Variants in ZFYVE21 observed in about 807,000 individuals in gnomAD.
ZFYVE21 encodes zinc finger FYVE-type containing 21.
A neutral mutation model predicts 29.5 loss-of-function variants in ZFYVE21; 21 were observed. The observed-to-expected ratio is 0.71, with a 90% CI of 0.50 to 1.02. The LOEUF (loss-of-function observed/expected upper bound fraction) is 1.02. Among genes scored for constraint, ZFYVE21 ranks in the 50% least tolerant of loss-of-function variants. The pLI is 0.00. For synonymous variants in ZFYVE21, 151 were observed against 133.8 expected, an observed-to-expected ratio of 1.13 and a Z score of -0.89; for missense variants, 326 against 335.4, an observed-to-expected ratio of 0.97 and a Z score of 0.22.
chr14:103,731,808 A>C (rs1461448861), intron 5 of ZFYVE21: 1 of 152,212 alleles, frequency 6.6e-6, no homozygotes, highest in East Asian at 1.9e-4. Context: ...ATTGCCTACG[A>C]TGGGGCTTCC....
In ZFYVE21 at chr14:103,715,822, C is replaced by G. The variant is rs1470131994; in HGVS notation, c.-20C>G. 6.6e-6 allele frequency: 9 copies of G among 1,358,916 alleles called. No individual in the cohort carries two copies. Among genetic ancestry groups the G allele is most frequent in the African/African-American group, 4.6e-5 (3 of 65,720 alleles). 84.2% of individuals were successfully genotyped at this position (1,358,916 alleles called of 1,614,324 possible). A position where few individuals can be genotyped will look rare whatever the true frequency, so the allele number is the denominator to read the frequency against. On this transcript the variant is annotated 5_prime_UTR_variant, in exon 1 of 7. Transcript: ENST00000311141. The stretch of plus-strand genomic sequence containing the variant: ...AGGGGCCGGGTGCGGGGCCGCTGGC[C>G]GAGAGGCTGAGGCGGCGTCATGTCC...
Position 103,727,908 on chromosome 14 carries a change from C to A in ZFYVE21, c.352C>A (p.Leu118Met). 1 of 1,611,646 alleles carries A rather than the reference C, an allele frequency of 6.2e-7. No homozygotes were observed. The highest frequency in any genetic ancestry group is 8.5e-7 in the Non-Finnish European group (1 of 1,178,832). Residue 118 changes from leucine (L) to methionine (M), a missense_variant, in exon 3 of 7, where the codon CTG becomes ATG. Coordinates refer to ENST00000311141, the MANE Select transcript of ZFYVE21 (RefSeq NM_024071.4). ...CTACGACAAGCAGCTCAAAGTGCTCCTGAGCGGTAAGGACGGGTGTCCTGC... is the reference window on the plus strand; with the variant it reads ...CTACGACAAGCAGCTCAAAGTGCTCATGAGCGGTAAGGACGGGTGTCCTGC... ...EFYDKQLKVL[L>M]SGATFLVTFG... is the part of the protein sequence containing the mutation.
chr14:103,721,270 C>G (rs2083869564), intron 1 of ZFYVE21, among the ~76,000 whole-genome samples: 1 of 152,202 alleles, frequency 6.6e-6, no homozygotes, highest in Non-Finnish European at 1.5e-5. Flanking sequence ...AAGGAGGGGA[C>G]AAGCGCCCAG....
In ZFYVE21 at chr14:103,727,898, C is replaced by G. The variant is rs371683117; in HGVS notation, c.342C>G (p.Leu114=). The change falls in exon 3 of 7, where the codon CTC becomes CTG. Residue 114 remains leucine, a synonymous_variant. Coordinates refer to ENST00000311141, the MANE Select transcript of ZFYVE21 (RefSeq NM_024071.4). ...LKEAEFYDKQ[L]KVLLSGATFL... is the part of the protein sequence containing the mutation. ...AGGCGGAGTTCTACGACAAGCAGCTCAAAGTGCTCCTGAGCGGTAAGGACG... is the reference window on the plus strand; with the variant it reads ...AGGCGGAGTTCTACGACAAGCAGCTGAAAGTGCTCCTGAGCGGTAAGGACG... The G allele has an allele frequency of 1.9e-6, 3 of 1,612,340 alleles. No homozygotes were observed. In the African/African-American group the frequency reaches 4.0e-5, roughly 22 times the overall value.
rs1425630902 is a variant in ZFYVE21, at chr14:103,729,079, T to C, written c.435-12T>C. 1.2e-6 allele frequency: 2 copies of C among 1,614,006 alleles called. No individual in the cohort carries two copies. The highest frequency in any genetic ancestry group is 8.5e-7 in the Non-Finnish European group (1 of 1,179,982). On this transcript the variant is annotated splice_polypyrimidine_tract_variant and intron_variant, in intron 4 of 6. Transcript: ENST00000311141. ...GAGAATGACCCGATTTGGACACTTT[T>C]ATTTGATGTAGATACTTGTTTCTGG...
chr14:103,732,885 G>C, intron 6 of ZFYVE21, 98 bp from the exon 7 acceptor site: 1 of 1,604,084 alleles, frequency 6.2e-7, no homozygotes, highest in Non-Finnish European at 8.5e-7. Context: ...CCCTCAGCTG[G>C]GGTGCCCACG....
chr14:103,715,915 C>G lies in ZFYVE21; in HGVS notation c.74C>G (p.Pro25Arg). The change falls in exon 1 of 7, where the codon CCC becomes CGC. Residue 25 changes from proline (P) to arginine (R), a missense_variant. Pro to Arg is a moderately radical substitution (Grantham distance 103). Coordinates refer to ENST00000311141, the MANE Select transcript of ZFYVE21 (RefSeq NM_024071.4). ...VRSPSGLRMVPEHRAFGSPFG... is the reference protein window; with the variant it reads ...VRSPSGLRMVREHRAFGSPFG... ...TCCCCGAGCGGCCTGCGCATGGTGC[C>G]CGAACACCGCGCCTTCGGAAGCCCG... The G allele has an allele frequency of 7.0e-7, 1 of 1,435,726 alleles. No homozygotes were observed. The highest frequency in any genetic ancestry group is 9.2e-7 in the Non-Finnish European group (1 of 1,086,592). The allele number at this position is 1,435,726 out of a possible 1,614,324, so 88.9% of individuals were successfully genotyped here. A position where few individuals can be genotyped will look rare whatever the true frequency, so the allele number is the denominator to read the frequency against.
chr14:103,722,779 A>G (rs1470916532), intron 1 of ZFYVE21, among the ~76,000 whole-genome samples: 1 of 151,708 alleles, frequency 6.6e-6, no homozygotes, highest in East Asian at 2.0e-4. Context: ...AGATTGTGCC[A>G]CTGCACTCCA....
rs1429265597 is a variant in ZFYVE21, at chr14:103,733,442, T to TAATA, written c.*425_*428dup. The TAATA allele has an allele frequency of 5.8e-6, 1 of 173,598 alleles. No individual in the cohort carries two copies. Among genetic ancestry groups the TAATA allele is most frequent in the East Asian group, 1.7e-4 (1 of 5,946 alleles). The allele number at this position is 173,598 out of a possible 1,614,324, so 10.8% of individuals were successfully genotyped here. On this transcript the variant is annotated 3_prime_UTR_variant, in exon 7 of 7. Transcript: ENST00000311141. Reference sequence around the variant, plus strand: ...GTCTGCAGTGGAGCCTGTTCGCCTCTAATAGCCAGTTTACAGCACTTGCCT... The same window carrying TAATA: ...GTCTGCAGTGGAGCCTGTTCGCCTCTAATAAATAGCCAGTTTACAGCACTTGCCT...
In ZFYVE21 at chr14:103,726,796, G is replaced by A. The variant is rs762200237; in HGVS notation, c.143G>A (p.Arg48Gln). 5.0e-6 allele frequency: 8 copies of A among 1,614,066 alleles called. No individual in the cohort carries two copies. The highest frequency in any genetic ancestry group is 4.5e-5 in the East Asian group (2 of 44,882). The change falls in exon 2 of 7, where the codon CGG (arginine) becomes CAG (glutamine). Residue 48 changes from arginine (R) to glutamine (Q), a missense_variant. By Grantham distance (43) the Arg-to-Gln change is conservative. Transcript: ENST00000311141. ...GCTTTGTCGTGTCTTTCCTAGTGTC[G>A]GAGATGTATGCAGTGTGACGCCAAG... ...EPQWVPDKECRRCMQCDAKFD... is the reference protein window; with the variant it reads ...EPQWVPDKECQRCMQCDAKFD...
intron 1 of ZFYVE21, among the ~76,000 whole-genome samples, chr14:103,723,996 G>A (rs2083897825): frequency 6.6e-6 from 1 of 152,200 alleles, no homozygotes; most frequent in Non-Finnish European, 1.5e-5. Context: ...CCACACCAGC[G>A]TCTTCTGGGG....
At chr14:103,727,393 C>G (rs1374878678) in intron 2 of ZFYVE21, 1 of 403,794 alleles carries the variant, frequency 2.5e-6, no homozygotes, top group South Asian at 1.9e-5. Flanking sequence ...CCGCCCCGTC[C>G]CCGTGCCGCT....
rs763488690 is a variant in ZFYVE21 at position 103,729,055 on chromosome 14, A to G, written c.435-36A>G. 2.5e-6 allele frequency: 4 copies of G among 1,613,908 alleles called. No individual in the cohort carries two copies. In the Admixed American group the frequency reaches 5.0e-5, roughly 20 times the overall value. Reference sequence around the variant, plus strand: ...GGGAGCCTCGGTGGCACTGAGCCTGAGAATGACCCGATTTGGACACTTTTA... The same window carrying G: ...GGGAGCCTCGGTGGCACTGAGCCTGGGAATGACCCGATTTGGACACTTTTA... On this transcript the variant is annotated intron_variant, in intron 4 of 6. Transcript: ENST00000311141.
chr14:103,732,596 T>A (rs1316132191), intron 5 of ZFYVE21, 24 bp from the exon 6 acceptor site: 2 of 1,543,838 alleles, frequency 1.3e-6, no homozygotes, highest in Non-Finnish European at 8.7e-7. Context: ...CTTTGGGCCG[T>A]CTTACCTCGT....
chr14:103,720,879 G>A (rs1477722368), intron 1 of ZFYVE21, among the ~76,000 whole-genome samples: 1 of 152,228 alleles, frequency 6.6e-6, no homozygotes, highest in African/African-American at 2.4e-5. Context: ...CTGGAGTGCA[G>A]TGGCGCGATC....
At chr14:103,724,571 A>T (rs898393611) in intron 1 of ZFYVE21, 2 of 152,200 alleles carry the variant, frequency 1.3e-5, no homozygotes, top group Non-Finnish European at 2.9e-5. Flanking sequence ...CCCAGAAGGG[A>T]AAAGGGGGCT....
In ZFYVE21 at chr14:103,729,073, C is replaced by T. The variant is rs750229155; in HGVS notation, c.435-18C>T. 9 of 1,613,940 alleles carry T rather than the reference C, an allele frequency of 5.6e-6. No individual in the cohort carries two copies. Among genetic ancestry groups the T allele is most frequent in the Non-Finnish European group, 7.6e-6 (9 of 1,179,936 alleles). On this transcript the variant is annotated intron_variant, in intron 4 of 6. Transcript: ENST00000311141. ...GAGCCTGAGAATGACCCGATTTGGACACTTTTATTTGATGTAGATACTTGT... is the reference window on the plus strand; with the variant it reads ...GAGCCTGAGAATGACCCGATTTGGATACTTTTATTTGATGTAGATACTTGT...
Position 103,727,853 on chromosome 14 carries a change from C to T in ZFYVE21, c.297C>T (p.Cys99=), listed in dbSNP as rs1276446213. ...FVDPVRQCAE[C]ALVSLKEAEF... ...ACCCCGTGCGGCAGTGCGCGGAGTG[C>T]GCCCTCGTGTCCCTCAAGGAGGCGG... Residue 99 remains cysteine, a synonymous_variant, in exon 3 of 7, where the codon TGC becomes TGT. Transcript: ENST00000311141. 6.2e-7 allele frequency: 1 copy of T among 1,613,244 alleles called. No homozygotes were observed. Among genetic ancestry groups the T allele is most frequent in the Non-Finnish European group, 8.5e-7 (1 of 1,179,892 alleles).
intron 1 of ZFYVE21, among the ~76,000 whole-genome samples, chr14:103,719,327 G>T (rs2083853894): frequency 6.6e-6 from 1 of 151,986 alleles, no homozygotes; most frequent in African/African-American, 2.4e-5. Flanking sequence ...GGGCGTGGTG[G>T]TGTGTGCCTG....
Sources: gnomAD v4.1 joint callset for allele counts (sites outside exome capture counted in the v4.1 genomes callset) on GRCh38, gnomAD v4.1.1 for gene constraint, MANE v1.5 for transcripts, NCBI Gene and HGNC (gene_info 2026-07-23, HGNC 2026-07-21) for gene names.